ZNF385D: variants seen among roughly 807,000 people sequenced by gnomAD.
ZNF385D encodes the protein zinc finger protein 385D.
In ZNF385D, 15 loss-of-function variants were observed where a neutral mutation model predicts 35.8. That is an observed-to-expected ratio of 0.42 (90% CI 0.28 to 0.64). The LOEUF (loss-of-function observed/expected upper bound fraction) is 0.64. ZNF385D is among the 30% of genes least tolerant of loss of function. The pLI, the probability that ZNF385D is intolerant of heterozygous loss-of-function variation, is 0.23. For missense variants in ZNF385D, 474 were observed against 494.6 expected, an observed-to-expected ratio of 0.96 and a Z score of 0.39; for synonymous variants, 212 against 186.8, an observed-to-expected ratio of 1.13 and a Z score of -1.10.
intron 3 of ZNF385D, among the ~76,000 whole-genome samples, chr3:21,940,776 A>G (rs540834773): frequency 2.6e-5 from 4 of 152,338 alleles, no homozygotes; most frequent in Admixed American, 1.3e-4. Flanking sequence ...GTTCCAAAAT[A>G]TATTTATTTT....
At chr3:22,088,528 T>C (rs1200525779) in intron 3 of ZNF385D, among the ~76,000 whole-genome samples, 2 of 152,152 alleles carry the variant, frequency 1.3e-5, no homozygotes, top group Non-Finnish European at 2.9e-5. Flanking sequence ...TCTGAAATTG[T>C]TGCATGAGAC....
chr3:21,896,711 C>A, intron 3 of ZNF385D, among the ~76,000 whole-genome samples: 1 of 152,064 alleles, frequency 6.6e-6, no homozygotes, highest in East Asian at 1.9e-4. Flanking sequence ...GCAGTAGTTC[C>A]TTTTTGGGAG....
chr3:21,703,735 G>T (rs1049502039), intron 1 of ZNF385D, among the ~76,000 whole-genome samples: 1 of 151,764 alleles, frequency 6.6e-6, no homozygotes, highest in Non-Finnish European at 1.5e-5. Context: ...GGCTCATGAA[G>T]CTGGCCATTA....
chr3:21,751,359 G>C (rs901776161), upstream of ZNF385D: 9 of 1,043,634 alleles, frequency 8.6e-6, no homozygotes, highest in African/African-American at 1.4e-4. Flanking sequence ...GGCGGAGTGA[G>C]GGGCGCGGGA....
intron 3 of ZNF385D, among the ~76,000 whole-genome samples, chr3:22,014,781 A>T (rs1221363828): frequency 6.6e-6 from 1 of 152,180 alleles, no homozygotes; most frequent in Non-Finnish European, 1.5e-5. Flanking sequence ...CTATGTAAAT[A>T]TTGACAAAAT....
chr3:22,338,860 C>T (rs565977978), intron 2 of ZNF385D, among the ~76,000 whole-genome samples: 1 of 151,838 alleles, frequency 6.6e-6, no homozygotes, highest in Non-Finnish European at 1.5e-5. Flanking sequence ...GCCACCACAC[C>T]TAGCTAATTT....
intron 3 of ZNF385D, among the ~76,000 whole-genome samples, chr3:22,017,534 AGATTT>A (rs1157607736): frequency 6.6e-6 from 1 of 151,966 alleles, no homozygotes; most frequent in Non-Finnish European, 1.5e-5. Context: ...ATTCTGAGTT[AGATTT>A]ATGTCTACCA....
chr3:21,833,384 G>A (rs1470811117), intron 3 of ZNF385D, among the ~76,000 whole-genome samples: 1 of 152,108 alleles, frequency 6.6e-6, no homozygotes, highest in African/African-American at 2.4e-5. Context: ...TTATCCAGAT[G>A]GACCCTAAAT....
chr3:21,473,685 C>T (rs966591505), intron 4 of ZNF385D, among the ~76,000 whole-genome samples: 20 of 152,046 alleles, frequency 1.3e-4, no homozygotes, highest in African/African-American at 2.7e-4. Context: ...TTCAGTTTCT[C>T]TAATATGCTA....
chr3:22,232,082 A>G (rs1398491371), intron 2 of ZNF385D, among the ~76,000 whole-genome samples: 1 of 152,112 alleles, frequency 6.6e-6, no homozygotes, highest in Non-Finnish European at 1.5e-5. Flanking sequence ...TTCTTTATAA[A>G]TTACACAGTC....
At chr3:21,505,361 A>G (rs1320178212) in intron 4 of ZNF385D, among the ~76,000 whole-genome samples, 1 of 149,610 alleles carries the variant, frequency 6.7e-6, no homozygotes, top group Non-Finnish European at 1.5e-5. Flanking sequence ...AATAGAGACC[A>G]TAAGATTGAA....
intron 3 of ZNF385D, among the ~76,000 whole-genome samples, chr3:22,139,130 G>T (rs1233008678): frequency 6.6e-6 from 1 of 152,192 alleles, no homozygotes; most frequent in East Asian, 1.9e-4. Context: ...TACTGGAGAG[G>T]ATGTGGAGAA....
intron 3 of ZNF385D, among the ~76,000 whole-genome samples, chr3:21,998,262 A>G (rs907418865): frequency 1.3e-5 from 2 of 152,108 alleles, no homozygotes; most frequent in Admixed American, 1.3e-4. Flanking sequence ...TGCCTATGTG[A>G]TAACTCTGCC....
chr3:22,198,230 A>G (rs949091300), intron 2 of ZNF385D, among the ~76,000 whole-genome samples: 1 of 152,114 alleles, frequency 6.6e-6, no homozygotes, highest in Non-Finnish European at 1.5e-5. Context: ...TAGTAAGTTT[A>G]AAACTTAAGA....
chr3:22,044,630 T>C (rs1698872945), intron 3 of ZNF385D, among the ~76,000 whole-genome samples: 2 of 152,174 alleles, frequency 1.3e-5, no homozygotes, highest in East Asian at 3.9e-4. Context: ...TAAAGGTTTT[T>C]AGAAAGTTAT....
At chr3:22,320,671 G>C (rs544732354) in intron 2 of ZNF385D, among the ~76,000 whole-genome samples, 1 of 148,584 alleles carries the variant, frequency 6.7e-6, no homozygotes, top group Admixed American at 6.8e-5. Context: ...ATATTTAATA[G>C]ATTAAAACTA....
intron 3 of ZNF385D, among the ~76,000 whole-genome samples, chr3:22,000,406 C>G (rs949601832): frequency 6.6e-6 from 1 of 152,108 alleles, no homozygotes; most frequent in Non-Finnish European, 1.5e-5. Context: ...TGACAGTTTA[C>G]AAATGCCATG....
intron 3 of ZNF385D, among the ~76,000 whole-genome samples, chr3:21,542,655 G>T (rs1236257097): frequency 1.3e-5 from 2 of 152,066 alleles, no homozygotes; most frequent in Non-Finnish European, 2.9e-5. Flanking sequence ...CCAGGTGAGG[G>T]GGGTACCCTG....
chr3:21,757,764 G>T (rs182834427), intron 3 of ZNF385D, among the ~76,000 whole-genome samples: 2 of 152,200 alleles, frequency 1.3e-5, no homozygotes, highest in South Asian at 2.1e-4. Flanking sequence ...ATGACCTAAA[G>T]CATCTTTCAA....
Sources: allele counts gnomAD v4.1 joint callset (sites outside exome capture counted in the v4.1 genomes callset), GRCh38; gene constraint gnomAD v4.1.1; transcripts MANE v1.5; gene names NCBI Gene and HGNC (gene_info 2026-07-23, HGNC 2026-07-21).